The following NALF1 variants were observed in gnomAD, a reference collection of about 807,000 sequenced individuals.
NALF1 encodes the protein NALCN channel auxiliary factor 1.
Under a neutral mutation model 48.4 loss-of-function variants are expected in NALF1, and 3 were observed. That is an observed-to-expected ratio of 0.06 (90% CI 0.03 to 0.16). The LOEUF (loss-of-function observed/expected upper bound fraction) is 0.16, where lower values mean the gene tolerates loss of function less well. NALF1 is among the 10% of genes least tolerant of loss of function. NALF1 has a pLI of 1.00. For synonymous variants in NALF1, 262 were observed against 245.7 expected (o/e 1.07, Z -0.62); for missense variants, 526 against 571.5 (o/e 0.92, Z 0.81).
chr13:107,195,864 A>T (rs888101486), intron 2 of NALF1, among the ~76,000 whole-genome samples: 16 of 152,224 alleles, frequency 1.1e-4, no homozygotes, highest in African/African-American at 3.9e-4. Flanking sequence ...GTCTCCCTAG[A>T]ACAGCAAGTC....
intron 1 of NALF1, among the ~76,000 whole-genome samples, chr13:107,556,210 G>A (rs1052594278): frequency 2.6e-5 from 4 of 151,096 alleles, no homozygotes; most frequent in African/African-American, 7.3e-5. Flanking sequence ...ACAGATGTGG[G>A]ACTGATAGTC....
At chr13:107,550,939 C>G (rs1265736179) in intron 1 of NALF1, among the ~76,000 whole-genome samples, 1 of 151,780 alleles carries the variant, frequency 6.6e-6, no homozygotes, top group African/African-American at 2.4e-5. Context: ...GTTGTTTCCC[C>G]TTTAGTCTCT....
At chr13:107,495,044 A>G (rs1875284452) in intron 1 of NALF1, among the ~76,000 whole-genome samples, 2 of 152,224 alleles carry the variant, frequency 1.3e-5, no homozygotes, top group South Asian at 4.1e-4. Context: ...TTACTGTTTG[A>G]GCACACCACA....
intron 1 of NALF1, among the ~76,000 whole-genome samples, chr13:107,307,931 T>C (rs1881969046): frequency 1.3e-5 from 2 of 152,200 alleles, no homozygotes; most frequent in African/African-American, 4.8e-5. Context: ...TTCATGATCA[T>C]GGGCAGTTAA....
At chr13:107,620,355 A>G (rs984866467) in intron 1 of NALF1, among the ~76,000 whole-genome samples, 1 of 152,228 alleles carries the variant, frequency 6.6e-6, no homozygotes, top group Non-Finnish European at 1.5e-5. Context: ...TATGCAGAGA[A>G]TAACGTGCTA....
chr13:107,770,198 C>G (rs1877540223), intron 1 of NALF1, among the ~76,000 whole-genome samples: 1 of 152,184 alleles, frequency 6.6e-6, no homozygotes, highest in Admixed American at 6.5e-5. Context: ...CAGGCGTGAG[C>G]CACCGCGCCG....
At chr13:107,821,365 A>G (rs1019486395) in intron 1 of NALF1, among the ~76,000 whole-genome samples, 1 of 152,212 alleles carries the variant, frequency 6.6e-6, no homozygotes, top group Non-Finnish European at 1.5e-5. Context: ...GCAGAAATCT[A>G]AAAGTCATGC....
At chr13:107,408,249 T>A (rs1206272268) in intron 1 of NALF1, among the ~76,000 whole-genome samples, 1 of 152,076 alleles carries the variant, frequency 6.6e-6, no homozygotes, top group Non-Finnish European at 1.5e-5. Flanking sequence ...TTGTAGATTT[T>A]AAAATAGATT....
chr13:107,585,589 A>T (rs1878433205), intron 1 of NALF1, among the ~76,000 whole-genome samples: 1 of 152,146 alleles, frequency 6.6e-6, no homozygotes, highest in Non-Finnish European at 1.5e-5. Flanking sequence ...CCCAGCTTTG[A>T]TTCATTTCAA....
At chr13:107,306,021 A>T (rs566234877) in intron 1 of NALF1, among the ~76,000 whole-genome samples, 15 of 152,298 alleles carry the variant, frequency 9.8e-5, no homozygotes, top group African/African-American at 3.6e-4. Context: ...GGAGGTACAA[A>T]CTAAGAATGG....
intron 1 of NALF1, among the ~76,000 whole-genome samples, chr13:107,444,871 A>G (rs1024891535): frequency 2.5e-4 from 38 of 152,114 alleles, no homozygotes; most frequent in African/African-American, 8.5e-4. Flanking sequence ...CAATATCAAT[A>G]TTTTCCCAAT....
At chr13:107,269,044 T>A (rs1286148794) in intron 1 of NALF1, among the ~76,000 whole-genome samples, 1 of 151,910 alleles carries the variant, frequency 6.6e-6, no homozygotes, top group Non-Finnish European at 1.5e-5. Flanking sequence ...ACGCCTGTGG[T>A]CCCACGTCCT....
chr13:107,724,501 G>A (rs1876091057), intron 1 of NALF1, among the ~76,000 whole-genome samples: 1 of 152,096 alleles, frequency 6.6e-6, no homozygotes, highest in Admixed American at 6.5e-5. Context: ...GATTTTGACT[G>A]AAATGAAAAA....
chr13:107,658,964 T>G (rs996779118), intron 1 of NALF1, among the ~76,000 whole-genome samples: 1 of 152,240 alleles, frequency 6.6e-6, no homozygotes, highest in Admixed American at 6.5e-5. Context: ...TTATTCCACC[T>G]GCTCCATAAA....
chr13:107,466,602 CT>C (rs5806658), intron 1 of NALF1: 41,564 of 152,066 alleles, frequency 0.27, 6,688 homozygotes, highest in Middle Eastern at 0.4. Flanking sequence ...AGGACAACAA[CT>C]GCCTTCGTCC....
intron 1 of NALF1, among the ~76,000 whole-genome samples, chr13:107,343,426 T>C (rs1882718271): frequency 1.3e-5 from 2 of 152,164 alleles, no homozygotes; most frequent in African/African-American, 2.4e-5. Flanking sequence ...GCTCTCATGA[T>C]AGTAAATAAG....
At chr13:107,838,369 TAAATTA>T (rs1224704888) in intron 1 of NALF1, among the ~76,000 whole-genome samples, 1 of 152,214 alleles carries the variant, frequency 6.6e-6, no homozygotes, top group Non-Finnish European at 1.5e-5. Context: ...TCCTTAAGAA[TAAATTA>T]AAATCAAATT....
intron 1 of NALF1, among the ~76,000 whole-genome samples, chr13:107,284,391 TGAGGAA>T: frequency 6.6e-6 from 1 of 151,864 alleles, no homozygotes; most frequent in African/African-American, 2.4e-5. Context: ...AAACCATCCA[TGAGGAA>T]GAAAGGAACT....
intron 1 of NALF1, among the ~76,000 whole-genome samples, chr13:107,276,903 T>A (rs1274742527): frequency 1.3e-5 from 2 of 152,174 alleles, no homozygotes; most frequent in African/African-American, 4.8e-5. Context: ...AGATGTCTGA[T>A]TTGTTGACCC....
Sources: allele counts gnomAD v4.1 joint callset (sites outside exome capture counted in the v4.1 genomes callset), GRCh38; gene constraint gnomAD v4.1.1; transcripts MANE v1.5; gene names NCBI Gene and HGNC (gene_info 2026-07-23, HGNC 2026-07-21).